Variants in UBE2U observed in about 807,000 individuals in gnomAD.
UBE2U encodes the protein ubiquitin-conjugating enzyme E2 U.
Under a neutral mutation model 41.2 loss-of-function variants are expected in UBE2U, and 39 were observed. The ratio of observed to expected loss-of-function variants is 0.95; its 90% CI spans 0.73 to 1.24. UBE2U has a LOEUF of 1.24. UBE2U is among the 50% of genes most tolerant of loss of function. UBE2U has a pLI of 0.00. For synonymous variants in UBE2U, 107 were observed against 117.8 expected (o/e 0.91, Z 0.60); for missense variants, 336 against 363.1 (o/e 0.93, Z 0.61).
intron 6 of UBE2U, among the ~76,000 whole-genome samples, chr1:64,231,836 A>C (rs1437886272): frequency 6.6e-6 from 1 of 152,232 alleles, no homozygotes; most frequent in African/African-American, 2.4e-5. Flanking sequence ...AAGCCAGTTA[A>C]TTAGTGATTT....
chr1:64,239,157 A>AAGGAAGAAGAAGAAGAAGAAG, intron 7 of UBE2U, among the ~76,000 whole-genome samples: 1 of 37,064 alleles, frequency 2.7e-5, no homozygotes, highest in Non-Finnish European at 5.8e-5. Flanking sequence ...GAAGAAGAAG[A>AAGGAAGAAGAAGAAGAAGAAG]AAGAAGAAGA....
chr1:64,246,681 A>G (rs1249989996), intron 8 of UBE2U, among the ~76,000 whole-genome samples: 1 of 152,126 alleles, frequency 6.6e-6, no homozygotes. Context: ...GTTTTTAGAG[A>G]TAGGAAGCTT....
chr1:64,239,092 GGAAGAAGAAGAAGAAGAAGAA>G (rs1221201927), intron 7 of UBE2U, among the ~76,000 whole-genome samples: 6 of 42,802 alleles, frequency 1.4e-4, no homozygotes, highest in Non-Finnish European at 2.2e-4. Flanking sequence ...AAGAGGAAGA[GGAAGAAGAAGAAGAAGAAGAA>G]GAAGAAGAAG....
intron 4 of UBE2U, among the ~76,000 whole-genome samples, chr1:64,212,707 T>C (rs770818034): frequency 7.2e-5 from 11 of 152,202 alleles, no homozygotes; most frequent in Non-Finnish European, 1.6e-4. Context: ...ATTTGAAAAT[T>C]TGAAATCTGA....
intron 7 of UBE2U, among the ~76,000 whole-genome samples, chr1:64,238,161 T>C (rs1277183475): frequency 6.6e-6 from 1 of 152,144 alleles, no homozygotes; most frequent in Admixed American, 6.5e-5. Context: ...TCCCAGCACT[T>C]TGGGAGGCCA....
chr1:64,215,819 G>T (rs574400974), intron 5 of UBE2U, among the ~76,000 whole-genome samples: 1 of 151,630 alleles, frequency 6.6e-6, no homozygotes. Context: ...GCCCCTGTGC[G>T]CTCTCTCTCT....
At chr1:64,256,440 A>T (rs1329785252) in intron 8 of UBE2U, among the ~76,000 whole-genome samples, 1 of 152,190 alleles carries the variant, frequency 6.6e-6, no homozygotes, top group Admixed American at 6.5e-5. Flanking sequence ...AATGGAACAG[A>T]ATAGAGAACT....
chr1:64,232,662 A>G lies in UBE2U; in HGVS notation c.595+13A>G. On this transcript the variant is annotated intron_variant, in intron 7 of 9. Transcript: ENST00000371077. Reference sequence around the variant, plus strand: ...TACAGAACTCCATGTAAGGTGAACTATCCTTATCCTATGTCCTTTTGGTAT... The same window carrying G: ...TACAGAACTCCATGTAAGGTGAACTGTCCTTATCCTATGTCCTTTTGGTAT... 1 of 1,590,354 alleles carries G rather than the reference A, an allele frequency of 6.3e-7. No homozygotes were observed. The highest frequency in any genetic ancestry group is 1.7e-5 in the Admixed American group (1 of 58,348).
chr1:64,257,146 C>G (rs1390973894), intron 8 of UBE2U, among the ~76,000 whole-genome samples: 1 of 152,194 alleles, frequency 6.6e-6, no homozygotes, highest in East Asian at 1.9e-4. Flanking sequence ...AAAAGGAACA[C>G]TTTTACACTG....
intron 8 of UBE2U, among the ~76,000 whole-genome samples, chr1:64,252,276 G>A (rs1416625531): frequency 6.6e-6 from 1 of 152,078 alleles, no homozygotes; most frequent in Admixed American, 6.6e-5. Flanking sequence ...CTGAGGGGAG[G>A]GGTGGCCACC....
chr1:64,220,224 G>T (rs1465301897), intron 5 of UBE2U, among the ~76,000 whole-genome samples: 1 of 151,540 alleles, frequency 6.6e-6, no homozygotes, highest in Non-Finnish European at 1.5e-5. Flanking sequence ...CTCCTGAGAG[G>T]AATCTGCCAG....
At chr1:64,254,451 A>G (rs1645060582) in intron 8 of UBE2U, among the ~76,000 whole-genome samples, 1 of 152,210 alleles carries the variant, frequency 6.6e-6, no homozygotes, top group Non-Finnish European at 1.5e-5. Context: ...AAACAACAAA[A>G]TATACATTGT....
intron 8 of UBE2U, among the ~76,000 whole-genome samples, chr1:64,242,858 A>T (rs1052547103): frequency 2.6e-5 from 4 of 152,172 alleles, no homozygotes; most frequent in Admixed American, 2.6e-4. Context: ...TTTCTTTTAG[A>T]GTTGAAGAAA....
In UBE2U at chr1:64,224,533, G is replaced by A. The variant is rs1025321299; in HGVS notation, c.506+3626G>A. On this transcript the variant is annotated intron_variant, in intron 6 of 9. Transcript: ENST00000371077. ...AGGTCAGCAGTTTAAAACCAGCCTG[G>A]TCAACATGATGAAACCCCGTCTCTA... Among the ~76,000 whole-genome samples, 9 of 152,190 alleles carry A rather than the reference G, an allele frequency of 5.9e-5. No individual in the cohort carries two copies. The East Asian group carries it at 1.7e-3, about 29-fold the overall frequency.
intron 6 of UBE2U, among the ~76,000 whole-genome samples, chr1:64,225,640 C>T (rs1398087715): frequency 6.6e-6 from 1 of 152,130 alleles, no homozygotes; most frequent in East Asian, 1.9e-4. Flanking sequence ...AATGGTGGTT[C>T]GGTCAAGGGT....
chr1:64,243,061 T>C (rs1365318375), intron 8 of UBE2U, among the ~76,000 whole-genome samples: 1 of 152,190 alleles, frequency 6.6e-6, no homozygotes, highest in Non-Finnish European at 1.5e-5. Context: ...GCTAAAATAA[T>C]TGTGAGCTGT....
At chr1:64,223,451 G>A (rs1371795961) in intron 6 of UBE2U, among the ~76,000 whole-genome samples, 1 of 152,154 alleles carries the variant, frequency 6.6e-6, no homozygotes, top group Admixed American at 6.5e-5. Flanking sequence ...GCTGAGGGCA[G>A]ATTGAATCAT....
In UBE2U at chr1:64,258,323, G is replaced by A. The variant is rs923358350; in HGVS notation, c.678-2280G>A. On this transcript the variant is annotated intron_variant, in intron 8 of 9. Coordinates refer to ENST00000371077, the MANE Select transcript of UBE2U (RefSeq NM_001366232.2). ...TGAGGTACACTTGTGTGACAAAAAC[G>A]TTTCTTTTTTTTTTATACTTTAAGT... Among the ~76,000 whole-genome samples, 12 of 151,822 alleles carry A rather than the reference G, an allele frequency of 7.9e-5. 1 individual carries two copies. Among genetic ancestry groups the A allele is most frequent in the Admixed American group, 6.6e-4 (10 of 15,230 alleles).
intron 9 of UBE2U, among the ~76,000 whole-genome samples, chr1:64,265,926 T>C (rs1298592507): frequency 1.3e-5 from 2 of 152,202 alleles, no homozygotes; most frequent in African/African-American, 2.4e-5. Context: ...AACAAGTCAC[T>C]TGTAGCCCAT....
Sources: allele counts gnomAD v4.1 joint callset (sites outside exome capture counted in the v4.1 genomes callset), GRCh38; gene constraint gnomAD v4.1.1; transcripts MANE v1.5; gene names NCBI Gene and HGNC (gene_info 2026-07-23, HGNC 2026-07-21).